The following ULK2 variants were observed in gnomAD, a reference collection of about 807,000 sequenced individuals.
ULK2 encodes the protein serine/threonine-protein kinase ULK2.
Under a neutral mutation model 127.5 loss-of-function variants are expected in ULK2, and 76 were observed. The ratio of observed to expected loss-of-function variants is 0.60; its 90% CI spans 0.50 to 0.72. ULK2 has a LOEUF of 0.72. Among genes scored for constraint, ULK2 ranks in the 30% least tolerant of loss-of-function variants. The probability of loss-of-function intolerance (pLI) is 0.00; values close to 1 mark genes in which losing one functional copy is unlikely to be tolerated. For missense variants in ULK2, 1,144 were observed against 1,295.9 expected, an observed-to-expected ratio of 0.88 and a Z score of 1.80; for synonymous variants, 452 against 461.9, an observed-to-expected ratio of 0.98 and a Z score of 0.28.
rs1339810719 is a variant in ULK2, at chr17:19,816,763, G to A, written c.1082C>T (p.Ser361Leu). 7 of 1,599,614 alleles carry A rather than the reference G, an allele frequency of 4.4e-6. No homozygotes were observed. Among genetic ancestry groups the A allele is most frequent in the Non-Finnish European group, 8.5e-7 (1 of 1,175,570 alleles). Residue 361 changes from serine to leucine, a missense_variant, in exon 13 of 27, where the codon TCG becomes TTG. Ser to Leu is a moderately radical substitution (Grantham distance 145). Transcript: ENST00000395544. ...AAGATTCTCACATGAGTGGTCTGACGAGATGTTGTGTGGCACCAAAACAAA... is the reference window on the plus strand; with the variant it reads ...AAGATTCTCACATGAGTGGTCTGACAAGATGTTGTGTGGCACCAAAACAAA... ...DDFVLVPHNI[S>L]SDHSCDMPVG...
chr17:19,785,801 A>T, intron 21 of ULK2, 136 bp downstream of exon 21: 2 of 1,068,254 alleles, frequency 1.9e-6, no homozygotes, highest in Non-Finnish European at 2.5e-6. Flanking sequence ...AGAAAATAGT[A>T]ATCTCCATTT....
At chr17:19,847,953 T>C (rs1298268629) in intron 5 of ULK2, among the ~76,000 whole-genome samples, 2 of 152,208 alleles carry the variant, frequency 1.3e-5, no homozygotes, top group Non-Finnish European at 2.9e-5. Context: ...ACTTAATGTG[T>C]GACCCTTTTG....
At position 19,849,738 on chromosome 17, in the gene ULK2, C is replaced by A. The variant is rs778198439; in HGVS notation, c.258+4G>T. 2 of 1,530,278 alleles carry A rather than the reference C, an allele frequency of 1.3e-6. No individual in the cohort carries two copies. The highest frequency in any genetic ancestry group is 1.8e-6 in the Non-Finnish European group (2 of 1,132,944). The allele number at this position is 1,530,278 out of a possible 1,614,324, so 94.8% of individuals were successfully genotyped here. A position where few individuals can be genotyped will look rare whatever the true frequency, so the allele number is the denominator to read the frequency against. On this transcript the variant is annotated splice_donor_region_variant and intron_variant, in intron 4 of 26. Transcript: ENST00000395544. ...AATTAAACAGAAGTTTGTATACTAC[C>A]TACCTCCATCACCAAAAAGACAGAG...
chr17:19,864,417 G>A (rs1004307700), intron 3 of ULK2, among the ~76,000 whole-genome samples: 1 of 151,878 alleles, frequency 6.6e-6, no homozygotes, highest in African/African-American at 2.4e-5. Context: ...AGCAGTTGCA[G>A]TGAGCCGAGA....
intron 10 of ULK2, among the ~76,000 whole-genome samples, chr17:19,831,252 C>T (rs1179463209): frequency 1.3e-5 from 2 of 151,770 alleles, no homozygotes; most frequent in Admixed American, 6.6e-5. Context: ...AGAGGAAATC[C>T]GCCCCCATGA....
chr17:19,826,627 C>G (rs1160577864), intron 10 of ULK2, among the ~76,000 whole-genome samples: 1 of 152,128 alleles, frequency 6.6e-6, no homozygotes, highest in Non-Finnish European at 1.5e-5. Flanking sequence ...TCCTTCGCCC[C>G]TACAAGTATT....
At chr17:19,849,544 T>C (rs1597808512) in intron 4 of ULK2, 139 bp from the exon 5 acceptor site, 2 of 991,660 alleles carry the variant, frequency 2.0e-6, no homozygotes, top group East Asian at 5.4e-5. Context: ...ATTCAAAATT[T>C]TTTAAATTTT....
intron 13 of ULK2, among the ~76,000 whole-genome samples, chr17:19,815,549 GGGATTACA>G (rs1277975600): frequency 6.6e-6 from 1 of 152,188 alleles, no homozygotes; most frequent in Non-Finnish European, 1.5e-5. Context: ...CCAAAGTGGT[GGGATTACA>G]GGCGTAAGCC....
intron 10 of ULK2, among the ~76,000 whole-genome samples, chr17:19,835,442 C>T (rs1310060701): frequency 2.7e-5 from 4 of 149,628 alleles, no homozygotes; most frequent in South Asian, 2.2e-4. Flanking sequence ...AGAGGCCGGG[C>T]GCGGTGGCTC....
At chr17:19,839,716 G>T (rs545650114) in intron 9 of ULK2, among the ~76,000 whole-genome samples, 24 of 150,578 alleles carry the variant, frequency 1.6e-4, no homozygotes, top group African/African-American at 5.8e-4. Context: ...GAAATACAAA[G>T]GAGCCAAATT....
At chr17:19,820,052 T>A (rs545429153) in intron 12 of ULK2, among the ~76,000 whole-genome samples, 2 of 140,438 alleles carry the variant, frequency 1.4e-5, no homozygotes, top group African/African-American at 5.5e-5. Context: ...CAACTTTATT[T>A]ATTTTTTTTT....
chr17:19,854,750 C>A (rs369875587), intron 3 of ULK2, among the ~76,000 whole-genome samples: 2 of 151,936 alleles, frequency 1.3e-5, no homozygotes, highest in Non-Finnish European at 2.9e-5. Context: ...TAATATGAAA[C>A]CTAGGGGTCA....
rs1156759873 is a variant in ULK2 at position 19,799,391 on chromosome 17, GAT to G, written c.1522+102_1522+103del. On this transcript the variant is annotated intron_variant, in intron 17 of 26. Transcript: ENST00000395544. Reference sequence around the variant, plus strand: ...TTCTAAAAATCAGGATGGCAGAGGAGATATTTCATATCAATTCTGTTCTTTGA... The same window carrying G: ...TTCTAAAAATCAGGATGGCAGAGGAGATTTCATATCAATTCTGTTCTTTGA... 4.1e-6 allele frequency: 4 copies of G among 976,846 alleles called. No homozygotes were observed. In the East Asian group the frequency reaches 8.7e-5, roughly 21 times the overall value. 60.5% of individuals were successfully genotyped at this position (976,846 alleles called of 1,614,324 possible).
At chr17:19,782,899 G>C (rs931002154) in intron 22 of ULK2, among the ~76,000 whole-genome samples, 1 of 150,062 alleles carries the variant, frequency 6.7e-6, no homozygotes, top group Non-Finnish European at 1.5e-5. Context: ...CTGGGTGACA[G>C]AGCAAGACTC....
intron 4 of ULK2, 47 bp downstream of exon 4, chr17:19,849,695 A>G (rs1179556986): frequency 7.4e-7 from 1 of 1,351,916 alleles, no homozygotes. Context: ...AAAAAAAAAA[A>G]AAAAGAAATT....
intron 10 of ULK2, among the ~76,000 whole-genome samples, chr17:19,833,600 T>C (rs1319104311): frequency 1.3e-5 from 2 of 151,728 alleles, no homozygotes; most frequent in Non-Finnish European, 2.9e-5. Context: ...GTCCCAGCTA[T>C]GCAGGAGGCT....
At chr17:19,784,097 C>G (rs1296488872) in intron 21 of ULK2, 192 bp from the exon 22 acceptor site, 2 of 425,348 alleles carry the variant, frequency 4.7e-6, no homozygotes, top group Admixed American at 4.4e-5. Context: ...TATTCCTTGT[C>G]TATATATTTT....
chr17:19,865,536 C>G lies in ULK2; in HGVS notation c.183+200G>C, dbSNP rs527415584. 4.9e-4 allele frequency among the ~76,000 whole-genome samples: 74 copies of G among 152,286 alleles called. 1 individual carries two copies. Among genetic ancestry groups the G allele is most frequent in the African/African-American group, 1.8e-3 (73 of 41,544 alleles). ...GATGAGAAGCTAAACTCAGTCTTCACAGAATCCCTCTGAGCTTTGGTTCTT... is the reference window on the plus strand; with the variant it reads ...GATGAGAAGCTAAACTCAGTCTTCAGAGAATCCCTCTGAGCTTTGGTTCTT... On this transcript the variant is annotated intron_variant, in intron 2 of 26. Transcript: ENST00000395544.
chr17:19,856,739 G>A (rs926652142), intron 3 of ULK2, among the ~76,000 whole-genome samples: 23 of 151,284 alleles, frequency 1.5e-4, no homozygotes, highest in Admixed American at 7.2e-4. Context: ...TTGGGTGGCC[G>A]AGGCGGGCAG....
Sources: allele counts gnomAD v4.1 joint callset (sites outside exome capture counted in the v4.1 genomes callset), GRCh38; gene constraint gnomAD v4.1.1; transcripts MANE v1.5; gene names NCBI Gene and HGNC (gene_info 2026-07-23, HGNC 2026-07-21).